KALRN: variants seen among roughly 807,000 people sequenced by gnomAD.
KALRN encodes kalirin RhoGEF kinase, also known as kalirin.
KALRN carries 70 observed loss-of-function variants against 353.7 expected under a neutral mutation model. The observed-to-expected ratio is 0.20, with a 90% CI of 0.16 to 0.24. The LOEUF is 0.24. KALRN is among the 10% of genes least tolerant of loss of function. The pLI is 1.00. For missense variants in KALRN, 2,791 were observed against 3,756.7 expected (o/e 0.74, Z 6.72); for synonymous variants, 1,391 against 1,434.8 (o/e 0.97, Z 0.69).
intron 22 of KALRN, 99 bp from the exon 23 acceptor site, chr3:124,456,511 A>G (rs1197811014): frequency 4.1e-6 from 3 of 730,782 alleles, no homozygotes; most frequent in African/African-American, 3.5e-5. Flanking sequence ...ATCCTTCTCC[A>G]TTATATCTTT....
chr3:124,099,772 A>G (rs551872841), intron 1 of KALRN, among the ~76,000 whole-genome samples: 8 of 152,032 alleles, frequency 5.3e-5, no homozygotes, highest in Non-Finnish European at 1.0e-4. Flanking sequence ...TGGTAAGATG[A>G]TATCTCATTG....
intron 1 of KALRN, among the ~76,000 whole-genome samples, chr3:124,042,947 T>A (rs2040101304): frequency 6.6e-6 from 1 of 151,998 alleles, no homozygotes; most frequent in South Asian, 2.1e-4. Flanking sequence ...AAGGGCAGAG[T>A]GCCAAAGACA....
Position 124,395,120 on chromosome 3 carries a change from GCT to G in KALRN, c.1963-6_1963-5del, listed in dbSNP as rs147617270. On this transcript the variant is annotated splice_polypyrimidine_tract_variant and intron_variant, in intron 11 of 59. Coordinates refer to ENST00000682506, the MANE Select transcript of KALRN (RefSeq NM_001388419.1). ...CCCATCTTCCCTGAGTGGAATCTCT[GCT>G]CTCTCTCTACAGTTGTGGACATGGA... The G allele has an allele frequency of 6.3e-7, 1 of 1,599,878 alleles. No individual in the cohort carries two copies. The highest frequency in any genetic ancestry group is 8.6e-7 in the Non-Finnish European group (1 of 1,168,562).
At chr3:124,518,389 T>C in intron 33 of KALRN, 1 of 1,613,604 alleles carries the variant, frequency 6.2e-7, no homozygotes, top group Non-Finnish European at 8.5e-7. Flanking sequence ...GCCCGGCCCT[T>C]TTCTTAACAG....
intron 1 of KALRN, chr3:124,095,652 A>G: frequency 6.6e-6 from 1 of 152,238 alleles, no homozygotes; most frequent in Middle Eastern, 3.2e-3. Context: ...TGACCTTAAT[A>G]CATTTTATCA....
chr3:124,354,743 C>T (rs1431217441), intron 10 of KALRN, among the ~76,000 whole-genome samples: 2 of 152,128 alleles, frequency 1.3e-5, no homozygotes, highest in African/African-American at 4.8e-5. Flanking sequence ...AGTCCTGAGA[C>T]CTCAGGATAT....
intron 5 of KALRN, among the ~76,000 whole-genome samples, chr3:124,290,004 C>T (rs1580560746): frequency 6.6e-6 from 1 of 152,082 alleles, no homozygotes; most frequent in Non-Finnish European, 1.5e-5. Context: ...AAGGAAGCCA[C>T]AAATTGGCAG....
intron 10 of KALRN, among the ~76,000 whole-genome samples, chr3:124,363,992 T>A (rs2084351824): frequency 6.6e-6 from 1 of 152,190 alleles, no homozygotes; most frequent in South Asian, 2.1e-4. Flanking sequence ...CCCAGTGACC[T>A]CTCAACAGCA....
intron 45 of KALRN, among the ~76,000 whole-genome samples, chr3:124,664,479 C>T (rs1406509100): frequency 6.6e-6 from 1 of 151,164 alleles, no homozygotes; most frequent in Non-Finnish European, 1.5e-5. Context: ...GGCATGATCT[C>T]AGCTCACTGC....
Position 124,305,654 on chromosome 3 carries a change from C to T in KALRN, c.1092+6741C>T, listed in dbSNP as rs538469035. Among the ~76,000 whole-genome samples, 15 of 152,072 alleles carry T rather than the reference C, an allele frequency of 9.9e-5. No individual in the cohort carries two copies. The South Asian group carries it at 2.1e-3, about 21-fold the overall frequency. On this transcript the variant is annotated intron_variant, in intron 6 of 59. Transcript: ENST00000682506. ...GAGCCTATCCAATGCTGTACTCCCC[C>T]TGGGAGCAACATTGGAGTCTTCTTA...
intron 18 of KALRN, among the ~76,000 whole-genome samples, chr3:124,440,590 T>C (rs944656657): frequency 1.3e-5 from 2 of 151,112 alleles, no homozygotes; most frequent in Non-Finnish European, 3.0e-5. Context: ...CAGAAAATTA[T>C]AAAATTTTAT....
intron 33 of KALRN, among the ~76,000 whole-genome samples, chr3:124,549,561 T>G (rs902863968): frequency 1.3e-5 from 2 of 152,192 alleles, no homozygotes; most frequent in African/African-American, 2.4e-5. Flanking sequence ...TAGGGAATAC[T>G]GTTTTATTTT....
At chr3:124,592,877 A>C (rs745671243) in intron 34 of KALRN, among the ~76,000 whole-genome samples, 98 of 152,382 alleles carry the variant, frequency 6.4e-4, no homozygotes, top group Non-Finnish European at 2.6e-4. Context: ...CAAGTGAAAG[A>C]GCAAAGATCA....
rs527924720 is a variant in KALRN at position 124,343,026 on chromosome 3, C to G, written c.1648-4117C>G. 6.6e-5 allele frequency among the ~76,000 whole-genome samples: 10 copies of G among 152,306 alleles called. 1 individual carries two copies. Among genetic ancestry groups the G allele is most frequent in the African/African-American group, 2.4e-4 (10 of 41,556 alleles). ...TACCAAGTCCTGGCAATTCTTTCCC[C>G]CAGCCTGTCTATCTATAGACACTGC... On this transcript the variant is annotated intron_variant, in intron 9 of 59. Transcript: ENST00000682506.
At chr3:124,211,494 T>C (rs1436749051) in intron 1 of KALRN, among the ~76,000 whole-genome samples, 1 of 152,108 alleles carries the variant, frequency 6.6e-6, no homozygotes, top group Non-Finnish European at 1.5e-5. Context: ...GGGGATCTTA[T>C]TAGCTCTACA....
chr3:124,641,646 C>T (rs2082047999), intron 37 of KALRN, among the ~76,000 whole-genome samples: 1 of 152,148 alleles, frequency 6.6e-6, no homozygotes, highest in Non-Finnish European at 1.5e-5. Flanking sequence ...ATTGAGTAGG[C>T]ATGAATGGGC....
At chr3:124,572,327 A>AG (rs386397820) in intron 34 of KALRN, among the ~76,000 whole-genome samples, 6 of 151,762 alleles carry the variant, frequency 4.0e-5, no homozygotes, top group African/African-American at 1.5e-4. Context: ...CCCATCTCAA[A>AG]AAAAAACAAA....
At chr3:124,213,229 T>C (rs1353979920) in intron 1 of KALRN, among the ~76,000 whole-genome samples, 1 of 152,136 alleles carries the variant, frequency 6.6e-6, no homozygotes, top group Non-Finnish European at 1.5e-5. Flanking sequence ...TTTTGGTGTA[T>C]GGTATGAAGT....
rs186630990 is a variant in KALRN at position 124,073,467 on chromosome 3, T to C, written c.73+39654T>C. On this transcript the variant is annotated intron_variant, in intron 1 of 59. Coordinates refer to ENST00000682506, the MANE Select transcript of KALRN (RefSeq NM_001388419.1). The stretch of plus-strand genomic sequence containing the variant: ...CCTAAGAAAATACTGTGCAAAAAGA[T>C]ACTATAGGGACAACTGAGAGCCGCA... 6.6e-5 allele frequency among the ~76,000 whole-genome samples: 10 copies of C among 152,320 alleles called. No individual in the cohort carries two copies. In the East Asian group the frequency reaches 9.6e-4, roughly 15 times the overall value.
Sources: gnomAD v4.1 joint callset for allele counts (sites outside exome capture counted in the v4.1 genomes callset) on GRCh38, gnomAD v4.1.1 for gene constraint, MANE v1.5 for transcripts, NCBI Gene and HGNC (gene_info 2026-07-23, HGNC 2026-07-21) for gene names.